ANK2: variants seen among roughly 807,000 people sequenced by gnomAD.
The protein encoded by ANK2 is ankyrin 2.
ANK2 carries 83 observed loss-of-function variants against 360.5 expected under a neutral mutation model. The ratio of observed to expected loss-of-function variants is 0.23; its 90% CI spans 0.19 to 0.28. The LOEUF (loss-of-function observed/expected upper bound fraction) is 0.28, where lower values mean the gene tolerates loss of function less well. Among genes scored for constraint, ANK2 ranks in the 10% least tolerant of loss-of-function variants. The pLI, the probability that ANK2 is intolerant of heterozygous loss-of-function variation, is 1.00. For missense variants in ANK2, 4,201 were observed against 4,795.7 expected (o/e 0.88, Z 3.66); for synonymous variants, 1,740 against 1,759.5 (o/e 0.99, Z 0.28).
chr4:112,972,352 A>G (rs1301336794), intron 2 of ANK2, among the ~76,000 whole-genome samples: 1 of 151,652 alleles, frequency 6.6e-6, no homozygotes, highest in Admixed American at 6.6e-5. Context: ...TTTGCCCCTC[A>G]CCCCTCAACA....
At chr4:112,905,135 A>T (rs1408055194) in intron 2 of ANK2, among the ~76,000 whole-genome samples, 1 of 152,206 alleles carries the variant, frequency 6.6e-6, no homozygotes, top group African/African-American at 2.4e-5. Flanking sequence ...TAAGTCGTGA[A>T]TCTCATCTAG....
chr4:113,220,915 G>A (rs988854562), intron 4 of ANK2, among the ~76,000 whole-genome samples: 3 of 152,156 alleles, frequency 2.0e-5, no homozygotes, highest in Non-Finnish European at 4.4e-5. Flanking sequence ...TGATTTCTAT[G>A]GAGGATTCCA....
intron 32 of ANK2, among the ~76,000 whole-genome samples, chr4:113,340,543 A>G (rs1014773521): frequency 3.3e-5 from 5 of 152,180 alleles, no homozygotes; most frequent in Non-Finnish European, 4.4e-5. Flanking sequence ...AAAAGATACA[A>G]AAATTAGCTG....
chr4:113,017,230 A>G (rs1191005222), intron 2 of ANK2, among the ~76,000 whole-genome samples: 1 of 152,090 alleles, frequency 6.6e-6, no homozygotes, highest in East Asian at 1.9e-4. Context: ...ATATTCCTTG[A>G]GTCCATTATA....
chr4:112,856,804 T>C (rs1247703571), intron 1 of ANK2, among the ~76,000 whole-genome samples: 1 of 152,054 alleles, frequency 6.6e-6, no homozygotes, highest in East Asian at 1.9e-4. Flanking sequence ...TATTCAGGAG[T>C]TGGACTAGCT....
intron 4 of ANK2, among the ~76,000 whole-genome samples, chr4:113,224,587 G>A (rs2099192020): frequency 6.6e-6 from 1 of 152,182 alleles, no homozygotes; most frequent in East Asian, 1.9e-4. Flanking sequence ...AGGAAAATAC[G>A]GCAGTTTCTT....
chr4:113,069,329 C>A (rs1225809276), intron 1 of ANK2, among the ~76,000 whole-genome samples: 2 of 152,164 alleles, frequency 1.3e-5, no homozygotes, highest in Non-Finnish European at 2.9e-5. Context: ...AATTTATTGG[C>A]ACGAACTACC....
At chr4:112,738,402 G>A in the ANK2 span, among the ~76,000 whole-genome samples, 1 of 137,570 alleles carries the variant, frequency 7.3e-6, no homozygotes, top group African/African-American at 2.7e-5. Flanking sequence ...ACAAGAGTGA[G>A]AGTCTGTCTC....
At chr4:113,185,971 C>T (rs1441488554) in intron 2 of ANK2, among the ~76,000 whole-genome samples, 1 of 152,128 alleles carries the variant, frequency 6.6e-6, no homozygotes, top group Non-Finnish European at 1.5e-5. Flanking sequence ...AGGGAAGGCA[C>T]AGCTTGAGCA....
intron 2 of ANK2, among the ~76,000 whole-genome samples, chr4:113,009,409 T>C (rs2053990860): frequency 6.6e-6 from 1 of 152,180 alleles, no homozygotes; most frequent in Admixed American, 6.5e-5. Context: ...TTTAAATTTA[T>C]GGCAATGGGT....
intron 2 of ANK2, among the ~76,000 whole-genome samples, chr4:113,032,937 T>C (rs1579532027): frequency 6.6e-6 from 1 of 152,024 alleles, no homozygotes; most frequent in African/African-American, 2.4e-5. Flanking sequence ...TGGAGTGAGC[T>C]TTAGGAGCTC....
chr4:113,330,721 C>T (rs970091585), intron 27 of ANK2, among the ~76,000 whole-genome samples: 2 of 152,138 alleles, frequency 1.3e-5, no homozygotes, highest in African/African-American at 4.8e-5. Flanking sequence ...ATAATAGCTG[C>T]CAGACCCCCA....
chr4:112,805,452 ACCAGGC>A, the ANK2 span, among the ~76,000 whole-genome samples: 24 of 152,140 alleles, frequency 1.6e-4, 1 homozygote, highest in Admixed American at 1.3e-3. Flanking sequence ...CTCGCTATGC[ACCAGGC>A]ACTGATCTAG....
At chr4:113,010,250 C>T (rs1450460340) in intron 2 of ANK2, among the ~76,000 whole-genome samples, 2 of 152,120 alleles carry the variant, frequency 1.3e-5, no homozygotes, top group Admixed American at 6.6e-5. Flanking sequence ...TCACTATCCA[C>T]TTAAAAATTG....
At position 112,989,063 on chromosome 4, in the gene ANK2, A is replaced by G. The variant is rs542187658; in HGVS notation, c.21+84549A>G. On this transcript the variant is annotated intron_variant, in intron 2 of 30. Coordinates refer to the ANK2 transcript ENST00000503271. ...TTCTTCTTGAAACAGATAAAAACCA[A>G]TGCTAGGACAGAGGTAATTCTACAC... Among the ~76,000 whole-genome samples the G allele has an allele frequency of 2.0e-4, 30 of 152,312 alleles. No homozygotes were observed. The East Asian group carries it at 4.1e-3, about 21-fold the overall frequency.
intron 1 of ANK2, among the ~76,000 whole-genome samples, chr4:112,885,380 T>G (rs1464441374): frequency 6.6e-6 from 1 of 151,216 alleles, no homozygotes; most frequent in African/African-American, 2.4e-5. Flanking sequence ...GCGCCTGTAA[T>G]CCCAGTTACT....
At chr4:113,327,195 T>G (rs1347834859) in intron 26 of ANK2, among the ~76,000 whole-genome samples, 1 of 152,180 alleles carries the variant, frequency 6.6e-6, no homozygotes, top group East Asian at 1.9e-4. Flanking sequence ...TTCCCATCTT[T>G]GGTCTTTCTT....
intron 1 of ANK2, among the ~76,000 whole-genome samples, chr4:113,109,115 G>A (rs1177070158): frequency 2.0e-5 from 3 of 151,844 alleles, no homozygotes; most frequent in Non-Finnish European, 4.4e-5. Flanking sequence ...TGGTGGAGAG[G>A]TAGTGGAAAA....
At chr4:113,047,156 C>T (rs1015004391), upstream of ANK2, among the ~76,000 whole-genome samples, 8 of 152,174 alleles carry the variant, frequency 5.3e-5, no homozygotes, top group Admixed American at 5.2e-4. Context: ...GACCTTTGAA[C>T]TGCTATTCTG....
Sources: allele counts gnomAD v4.1 joint callset (sites outside exome capture counted in the v4.1 genomes callset), GRCh38; gene constraint gnomAD v4.1.1; transcripts MANE v1.5; gene names NCBI Gene and HGNC (gene_info 2026-07-23, HGNC 2026-07-21).